Variants in PCDH9 observed in about 807,000 individuals in gnomAD.
PCDH9 encodes the protein protocadherin 9.
PCDH9 carries 24 observed loss-of-function variants against 70.6 expected under a neutral mutation model. That is an observed-to-expected ratio of 0.34 (90% CI 0.25 to 0.48). PCDH9 has a LOEUF of 0.48. Among genes scored for constraint, PCDH9 ranks in the 20% least tolerant of loss-of-function variants. PCDH9 has a pLI of 0.99. For missense variants in PCDH9, 1,281 were observed against 1,503.6 expected (o/e 0.85, Z 2.45); for synonymous variants, 562 against 558.5 (o/e 1.01, Z -0.09).
At chr13:67,109,814 T>A (rs541056424) in intron 2 of PCDH9, among the ~76,000 whole-genome samples, 1 of 152,312 alleles carries the variant, frequency 6.6e-6, no homozygotes, top group Non-Finnish European at 1.5e-5. Context: ...CTATTTTTCA[T>A]CTTGAAGCTT....
chr13:66,870,749 A>G (rs1566254792), intron 3 of PCDH9, among the ~76,000 whole-genome samples: 1 of 152,170 alleles, frequency 6.6e-6, no homozygotes, highest in Non-Finnish European at 1.5e-5. Context: ...CAGGTGCTGG[A>G]GAGGATGTGG....
intron 3 of PCDH9, among the ~76,000 whole-genome samples, chr13:66,671,598 AT>A (rs1488411292): frequency 6.6e-6 from 1 of 152,160 alleles, no homozygotes; most frequent in African/African-American, 2.4e-5. Context: ...GGGAACTGGA[AT>A]AAAGGTGACT....
chr13:66,765,006 C>T (rs2324966), intron 3 of PCDH9, among the ~76,000 whole-genome samples: 147,503 of 151,918 alleles, frequency 0.97, 71,780 homozygotes, highest in South Asian at 1. Flanking sequence ...ATCTGTCTCT[C>T]TCTCTGTCTC....
At chr13:67,171,464 T>G (rs997726881) in intron 2 of PCDH9, among the ~76,000 whole-genome samples, 5 of 152,194 alleles carry the variant, frequency 3.3e-5, no homozygotes, top group Non-Finnish European at 7.3e-5. Context: ...GTTGGTATAC[T>G]TCTTCCATAT....
At chr13:66,716,499 G>T (rs939030504) in intron 3 of PCDH9, among the ~76,000 whole-genome samples, 31 of 152,110 alleles carry the variant, frequency 2.0e-4, no homozygotes, top group African/African-American at 7.0e-4. Context: ...GGACTTGGGT[G>T]GGTATTAATC....
intron 4 of PCDH9, chr13:66,306,106 G>A (rs1439783127): frequency 6.6e-6 from 1 of 151,898 alleles, no homozygotes; most frequent in Non-Finnish European, 1.5e-5. Flanking sequence ...ACACAAGAAT[G>A]CCTGAGGCAT....
chr13:66,463,469 A>C (rs1958461654), intron 4 of PCDH9, among the ~76,000 whole-genome samples: 1 of 151,862 alleles, frequency 6.6e-6, no homozygotes, highest in Admixed American at 6.6e-5. Flanking sequence ...GAGAGAGAGA[A>C]AAAAAAGAGA....
At chr13:66,890,868 T>C (rs2082085306) in intron 3 of PCDH9, among the ~76,000 whole-genome samples, 1 of 152,096 alleles carries the variant, frequency 6.6e-6, no homozygotes, top group Admixed American at 6.6e-5. Context: ...GTCAGTGTAA[T>C]TTTTCTTTGA....
chr13:66,768,569 A>G (rs998335925), intron 3 of PCDH9, among the ~76,000 whole-genome samples: 1 of 152,090 alleles, frequency 6.6e-6, no homozygotes, highest in Non-Finnish European at 1.5e-5. Context: ...TATACATAAA[A>G]CAATATTTTT....
chr13:67,091,552 T>C (rs1236190765), intron 2 of PCDH9, among the ~76,000 whole-genome samples: 1 of 152,202 alleles, frequency 6.6e-6, no homozygotes, highest in African/African-American at 2.4e-5. Context: ...AGCCACAGCC[T>C]TTGAATTGGC....
At chr13:66,891,079 T>C (rs1299451998) in intron 3 of PCDH9, among the ~76,000 whole-genome samples, 2 of 152,088 alleles carry the variant, frequency 1.3e-5, no homozygotes, top group Non-Finnish European at 2.9e-5. Context: ...CTGCTTGTTT[T>C]TTTCTCTTCC....
At chr13:66,827,430 T>C (rs569814368) in intron 3 of PCDH9, among the ~76,000 whole-genome samples, 3 of 150,334 alleles carry the variant, frequency 2.0e-5, no homozygotes, top group Middle Eastern at 3.4e-3. Flanking sequence ...TGAGGCACTA[T>C]AGAAGGATAA....
At chr13:66,883,899 T>C (rs796490920) in intron 3 of PCDH9, among the ~76,000 whole-genome samples, 1 of 102,092 alleles carries the variant, frequency 9.8e-6, no homozygotes, top group African/African-American at 7.8e-5. Context: ...TGAGCGTTCA[T>C]TTTTTTTTTT....
At chr13:66,475,149 G>A (rs1199070244) in intron 4 of PCDH9, among the ~76,000 whole-genome samples, 2 of 152,084 alleles carry the variant, frequency 1.3e-5, no homozygotes, top group Admixed American at 1.3e-4. Flanking sequence ...TTATACAAGT[G>A]CTATATGCTC....
chr13:66,756,040 T>A (rs1295758579), intron 3 of PCDH9, among the ~76,000 whole-genome samples: 1 of 152,138 alleles, frequency 6.6e-6, no homozygotes, highest in Non-Finnish European at 1.5e-5. Context: ...AAGGACCCAC[T>A]GAAGGCCCCA....
At chr13:66,700,313 G>A (rs1453425326) in intron 3 of PCDH9, among the ~76,000 whole-genome samples, 1 of 152,122 alleles carries the variant, frequency 6.6e-6, no homozygotes, top group Non-Finnish European at 1.5e-5. Context: ...TGAGACAGAA[G>A]CCGACAAGAG....
intron 4 of PCDH9, among the ~76,000 whole-genome samples, chr13:66,508,965 A>G (rs1250857864): frequency 6.6e-6 from 1 of 152,216 alleles, no homozygotes; most frequent in Admixed American, 6.5e-5. Flanking sequence ...AAGACTGACT[A>G]ACATAATGAA....
rs538385116 is a variant in PCDH9, at chr13:66,785,881, A to T, written c.3138+117623T>A. ...AATTTACTGTTTGAGACTGTTATTT[A>T]TCTAACTAGGAAGAGATAGCAGTGT... is the stretch of plus-strand genomic sequence containing the variant. On this transcript the variant is annotated intron_variant, in intron 3 of 4. Coordinates refer to ENST00000377865, the MANE Select transcript of PCDH9 (RefSeq NM_203487.3). 1.1e-3 allele frequency among the ~76,000 whole-genome samples: 169 copies of T among 152,094 alleles called. 1 individual carries two copies. The highest frequency in any genetic ancestry group is 3.9e-3 in the African/African-American group (163 of 41,502).
At chr13:67,137,277 T>C (rs545212355) in intron 2 of PCDH9, among the ~76,000 whole-genome samples, 2 of 152,228 alleles carry the variant, frequency 1.3e-5, no homozygotes, top group Admixed American at 6.5e-5. Context: ...AGCCAAGTCA[T>C]ATTCAGGTAG....
Sources: gnomAD v4.1 joint callset for allele counts (sites outside exome capture counted in the v4.1 genomes callset) on GRCh38, gnomAD v4.1.1 for gene constraint, MANE v1.5 for transcripts, NCBI Gene and HGNC (gene_info 2026-07-23, HGNC 2026-07-21) for gene names.